Variants in AKR1C8 observed in about 807,000 individuals in gnomAD.
AKR1C8 encodes aldo-keto reductase family 1 member C-like protein 1.
chr10:5,129,575 T>G, the AKR1C8 span, among the ~76,000 whole-genome samples: 1 of 151,942 alleles, frequency 6.6e-6, no homozygotes, highest in Non-Finnish European at 1.5e-5. Flanking sequence ...CAATTAGAAA[T>G]GAAACTGGAC....
the AKR1C8 span, among the ~76,000 whole-genome samples, chr10:5,164,057 G>A: frequency 1.3e-5 from 2 of 152,104 alleles, no homozygotes; most frequent in Non-Finnish European, 2.9e-5. Context: ...GCTTTTGACT[G>A]TGAGCTGAGC....
At chr10:5,138,074 G>A in the AKR1C8 span, among the ~76,000 whole-genome samples, 2 of 151,454 alleles carry the variant, frequency 1.3e-5, no homozygotes, top group African/African-American at 4.8e-5. Context: ...TCTATGTTCA[G>A]CGGTGCACGT....
At chr10:5,143,333 C>T in the AKR1C8 span, among the ~76,000 whole-genome samples, 1 of 152,084 alleles carries the variant, frequency 6.6e-6, no homozygotes, top group South Asian at 2.1e-4. Context: ...CCTTCTACCC[C>T]TGGACGTCAG....
At chr10:5,169,383 G>A in the AKR1C8 span, among the ~76,000 whole-genome samples, 2 of 152,198 alleles carry the variant, frequency 1.3e-5, no homozygotes, top group Non-Finnish European at 2.9e-5. Flanking sequence ...GATTGCAGGA[G>A]CAACACGGTC....
At chr10:5,116,079 G>A in the AKR1C8 span, among the ~76,000 whole-genome samples, 44 of 152,162 alleles carry the variant, frequency 2.9e-4, 1 homozygote, top group East Asian at 8.3e-3. Context: ...GCTGGATTGG[G>A]CTGTTGTAGT....
the AKR1C8 span, among the ~76,000 whole-genome samples, chr10:5,140,330 A>C: frequency 6.7e-6 from 1 of 149,918 alleles, no homozygotes; most frequent in South Asian, 2.1e-4. Flanking sequence ...TCATGCTACT[A>C]TAAAGACACA....
At chr10:5,170,325 T>G in the AKR1C8 span, among the ~76,000 whole-genome samples, 12 of 152,160 alleles carry the variant, frequency 7.9e-5, no homozygotes, top group Non-Finnish European at 1.8e-4. Context: ...CTATAGTTTT[T>G]GAAACATAAT....
chr10:5,166,437 G>A, the AKR1C8 span, among the ~76,000 whole-genome samples: 3 of 152,106 alleles, frequency 2.0e-5, no homozygotes, highest in Non-Finnish European at 2.9e-5. Context: ...TACCAAAACA[G>A]AGATATAGAC....
chr10:5,123,563 C>T, the AKR1C8 span: 1 of 716,050 alleles, frequency 1.4e-6, no homozygotes, highest in Non-Finnish European at 2.3e-6. Flanking sequence ...TGAATAACAG[C>T]AGCAGCATCA....
chr10:5,147,037 C>T, the AKR1C8 span, among the ~76,000 whole-genome samples: 1 of 152,138 alleles, frequency 6.6e-6, no homozygotes, highest in Non-Finnish European at 1.5e-5. Context: ...GTACAAGAAG[C>T]ATGGCACTGG....
the AKR1C8 span, among the ~76,000 whole-genome samples, chr10:5,147,255 A>G: frequency 6.6e-6 from 1 of 152,170 alleles, no homozygotes; most frequent in Non-Finnish European, 1.5e-5. Flanking sequence ...CAAGCCACTC[A>G]TGATGGATCT....
the AKR1C8 span, among the ~76,000 whole-genome samples, chr10:5,146,229 T>C: frequency 1.4e-5 from 2 of 147,730 alleles, no homozygotes; most frequent in East Asian, 4.1e-4. Flanking sequence ...GGGATAGCAT[T>C]GGGAGATATA....
At chr10:5,169,475 G>A in the AKR1C8 span, among the ~76,000 whole-genome samples, 1 of 45,166 alleles carries the variant, frequency 2.2e-5, no homozygotes, top group African/African-American at 6.8e-5. Flanking sequence ...AATTAAGCTG[G>A]GTAAAAACAT....
At chr10:5,164,096 T>C in the AKR1C8 span, among the ~76,000 whole-genome samples, 10 of 152,134 alleles carry the variant, frequency 6.6e-5, no homozygotes, top group African/African-American at 2.4e-4. Flanking sequence ...CAGCCTTTGA[T>C]TGCTCCTGGG....
chr10:5,168,790 C>G, the AKR1C8 span, among the ~76,000 whole-genome samples: 1 of 152,044 alleles, frequency 6.6e-6, no homozygotes, highest in African/African-American at 2.4e-5. Flanking sequence ...GAGCCAATAT[C>G]CCTTGAAAAC....
chr10:5,180,417 G>A, the AKR1C8 span, among the ~76,000 whole-genome samples: 2 of 152,196 alleles, frequency 1.3e-5, no homozygotes, highest in East Asian at 1.9e-4. Flanking sequence ...GCTGCTCGGG[G>A]GTTAGGGGTC....
chr10:5,122,315 A>C, the AKR1C8 span: 1 of 188,666 alleles, frequency 5.3e-6, no homozygotes, highest in East Asian at 1.7e-4. Flanking sequence ...CTGGCCTGGG[A>C]CCTCTTCCAC....
the AKR1C8 span, among the ~76,000 whole-genome samples, chr10:5,162,529 G>T: frequency 6.6e-6 from 1 of 152,116 alleles, no homozygotes; most frequent in African/African-American, 2.4e-5. Flanking sequence ...ATTAATATGT[G>T]ACCTTACTTG....
At chr10:5,140,618 C>T in the AKR1C8 span, among the ~76,000 whole-genome samples, 9 of 143,794 alleles carry the variant, frequency 6.3e-5, no homozygotes, top group South Asian at 1.3e-3. Flanking sequence ...GGACACAGGG[C>T]GGGAAACATC....
Sources: gnomAD v4.1 joint callset for allele counts (sites outside exome capture counted in the v4.1 genomes callset) on GRCh38, gnomAD v4.1.1 for gene constraint, MANE v1.5 for transcripts, NCBI Gene and HGNC (gene_info 2026-07-23, HGNC 2026-07-21) for gene names.